The following PCDHA1 variants were observed in gnomAD, a reference collection of about 807,000 sequenced individuals.
The protein encoded by PCDHA1 is protocadherin alpha 1.
Under a neutral mutation model 61.3 loss-of-function variants are expected in PCDHA1, and 42 were observed. The ratio of observed to expected loss-of-function variants is 0.69; its 90% CI spans 0.54 to 0.89. PCDHA1 has a LOEUF of 0.89. Ranked by LOEUF, PCDHA1 falls within the 40% of genes least tolerant of loss-of-function variation. The pLI is 0.00. For missense variants in PCDHA1, 1,256 were observed against 1,235.3 expected, an observed-to-expected ratio of 1.02 and a Z score of -0.25; for synonymous variants, 610 against 553.8, an observed-to-expected ratio of 1.10 and a Z score of -1.43.
intron 1 of PCDHA1, among the ~76,000 whole-genome samples, chr5:140,949,318 T>C (rs1554218908): frequency 6.6e-6 from 1 of 151,876 alleles, no homozygotes; most frequent in African/African-American, 2.4e-5. Flanking sequence ...GATTTATAAA[T>C]ATAAATTATT....
At chr5:140,863,660 A>G (rs1439004370) in intron 1 of PCDHA1, 2 of 293,826 alleles carry the variant, frequency 6.8e-6, no homozygotes, top group Non-Finnish European at 1.3e-5. Flanking sequence ...TGATTGCTTT[A>G]TTTATTTTGC....
intron 1 of PCDHA1, chr5:140,884,310 G>C (rs1562802595): frequency 1.2e-6 from 2 of 1,613,792 alleles, no homozygotes; most frequent in African/African-American, 2.7e-5. Context: ...GCTTCGTCGA[G>C]GGCGTCGGCA....
chr5:140,871,527 G>A (rs537927360), intron 1 of PCDHA1: 3 of 1,531,844 alleles, frequency 2.0e-6, no homozygotes, highest in African/African-American at 2.8e-5. Context: ...CTATCAGGAA[G>A]TGTATGTGAA....
At chr5:140,901,502 T>G (rs782679945) in intron 1 of PCDHA1, among the ~76,000 whole-genome samples, 1 of 152,182 alleles carries the variant, frequency 6.6e-6, no homozygotes, top group Non-Finnish European at 1.5e-5. Context: ...CGAAAATGAG[T>G]TCATTATAGA....
chr5:140,998,321 G>A lies in PCDHA1; in HGVS notation c.2543-11306G>A, dbSNP rs79793895. On this transcript the variant is annotated intron_variant, in intron 3 of 3. Coordinates refer to ENST00000504120, the MANE Select transcript of PCDHA1 (RefSeq NM_018900.4). ...TTTAGTAAGGGCACCAGGATCTGAA[G>A]CAGGATTGTTTGACTTCTGAGTCTG... is the stretch of plus-strand genomic sequence containing the variant. 9.8e-3 allele frequency among the ~76,000 whole-genome samples: 1,493 copies of A among 152,278 alleles called. 32 individuals carry two copies. The highest frequency in any genetic ancestry group is 0.034 in the African/African-American group (1,408 of 41,548).
rs148631412 is a variant in PCDHA1, at chr5:140,929,183, C to T, written c.2395-49766C>T. On this transcript the variant is annotated intron_variant, in intron 1 of 3. Transcript: ENST00000504120. ...TATCGGGCCTCTCTGGGACTTGGTT[C>T]TGATAATAACAGTTTGCTGTTGCGT... is the stretch of plus-strand genomic sequence containing the variant. 62 of 1,614,144 alleles carry T rather than the reference C, an allele frequency of 3.8e-5. No individual in the cohort carries two copies. The highest frequency in any genetic ancestry group is 4.8e-5 in the Non-Finnish European group (57 of 1,180,012).
At chr5:140,904,064 G>C (rs1238949756) in intron 1 of PCDHA1, among the ~76,000 whole-genome samples, 2 of 151,906 alleles carry the variant, frequency 1.3e-5, no homozygotes, top group Non-Finnish European at 2.9e-5. Context: ...TGGGTTTTTG[G>C]GGAACAGTAT....
intron 1 of PCDHA1, among the ~76,000 whole-genome samples, chr5:140,936,711 A>G (rs2091105126): frequency 6.6e-6 from 1 of 152,212 alleles, no homozygotes; most frequent in African/African-American, 2.4e-5. Flanking sequence ...TCTTGTGCCA[A>G]TACATTCTGT....
chr5:140,789,115 A>G (rs553387072), intron 1 of PCDHA1, among the ~76,000 whole-genome samples: 84 of 152,366 alleles, frequency 5.5e-4, no homozygotes, highest in African/African-American at 2.0e-3. Context: ...CTAAGTTTCA[A>G]AGTGAACAAT....
intron 1 of PCDHA1, chr5:140,834,376 A>G (rs2150216105): frequency 6.4e-7 from 1 of 1,561,296 alleles, no homozygotes; most frequent in East Asian, 2.3e-5. Flanking sequence ...ACAAGCCAAT[A>G]ATTTGAAATG....
In PCDHA1 at chr5:140,927,810, GGAGGCATACATT is replaced by G. The variant is rs782126534; in HGVS notation, c.2395-51133_2395-51122del. Reference sequence around the variant, plus strand: ...CACTAGGTCCGCCTGAAACGCTCTTGGAGGCATACATTGAGGCGAGGGACGAAGGTGTCTTTG... The same window carrying G: ...CACTAGGTCCGCCTGAAACGCTCTTGGAGGCGAGGGACGAAGGTGTCTTTG... On this transcript the variant is annotated intron_variant, in intron 1 of 3. Transcript: ENST00000504120. 3.7e-6 allele frequency: 6 copies of G among 1,614,082 alleles called. No individual in the cohort carries two copies. The South Asian group carries it at 6.6e-5, about 18-fold the overall frequency.
chr5:140,843,436 C>G (rs2150359840), intron 1 of PCDHA1: 2 of 1,596,080 alleles, frequency 1.3e-6, no homozygotes, highest in Non-Finnish European at 8.6e-7. Flanking sequence ...TCGCCATCTG[C>G]GCGGTATCCA....
intron 1 of PCDHA1, among the ~76,000 whole-genome samples, chr5:140,833,370 T>C (rs2150208033): frequency 6.6e-6 from 1 of 152,200 alleles, no homozygotes; most frequent in Admixed American, 6.5e-5. Flanking sequence ...GTAAGGTAGA[T>C]CCAAAAAGGA....
intron 1 of PCDHA1, chr5:140,850,866 G>T: frequency 6.3e-7 from 1 of 1,592,796 alleles, no homozygotes; most frequent in Non-Finnish European, 8.6e-7. Flanking sequence ...AGAACCCTCT[G>T]CTTCCTCAGA....
intron 1 of PCDHA1, chr5:140,877,451 C>G (rs782361627): frequency 6.2e-7 from 1 of 1,613,790 alleles, no homozygotes; most frequent in East Asian, 2.2e-5. Flanking sequence ...CCCGCGCTGA[C>G]GTCCACGGCC....
chr5:140,830,998 T>TA (rs1415698100), intron 1 of PCDHA1: 3 of 152,294 alleles, frequency 2.0e-5, no homozygotes, highest in Non-Finnish European at 4.4e-5. Context: ...TCATAGTTTT[T>TA]ATCTGTGGTT....
rs1486242200 is a variant in PCDHA1, at chr5:140,900,929, A to G, written c.2395-78020A>G. ...CTGTGGTAAGATGATATCTCATTGT[A>G]GTTTTGATTTGCATTTCTCTGATTA... On this transcript the variant is annotated intron_variant, in intron 1 of 3. Coordinates refer to ENST00000504120, the MANE Select transcript of PCDHA1 (RefSeq NM_018900.4). Among the ~76,000 whole-genome samples, 8 of 152,104 alleles carry G rather than the reference A, an allele frequency of 5.3e-5. No individual in the cohort carries two copies. The East Asian group carries it at 1.5e-3, about 29-fold the overall frequency.
chr5:140,987,266 C>T (rs2097244603), intron 3 of PCDHA1, among the ~76,000 whole-genome samples: 1 of 151,752 alleles, frequency 6.6e-6, no homozygotes, highest in African/African-American at 2.4e-5. Context: ...AGGAATGGGA[C>T]CCGGCAGTCT....
intron 3 of PCDHA1, among the ~76,000 whole-genome samples, chr5:140,985,692 C>T (rs1208331191): frequency 6.6e-6 from 1 of 151,060 alleles, no homozygotes; most frequent in Non-Finnish European, 1.5e-5. Flanking sequence ...CGCTAATCCT[C>T]GTTCATATGT....
Sources: gnomAD v4.1 joint callset for allele counts (sites outside exome capture counted in the v4.1 genomes callset) on GRCh38, gnomAD v4.1.1 for gene constraint, MANE v1.5 for transcripts, NCBI Gene and HGNC (gene_info 2026-07-23, HGNC 2026-07-21) for gene names.